The following ABL2 variants were observed in gnomAD, a reference collection of about 807,000 sequenced individuals.
ABL2 encodes tyrosine-protein kinase ABL2.
ABL2 carries 49 observed loss-of-function variants against 107.7 expected under a neutral mutation model. The ratio of observed to expected loss-of-function variants is 0.45; its 90% confidence interval spans 0.36 to 0.58. The LOEUF is 0.58. Ranked by LOEUF, ABL2 falls within the 20% of genes least tolerant of loss-of-function variation. The pLI, the probability that ABL2 is intolerant of heterozygous loss-of-function variation, is 0.00. For missense variants in ABL2, 1,245 were observed against 1,457.0 expected (o/e 0.85, Z 2.37); for synonymous variants, 549 against 548.6 (o/e 1.00, Z -0.01).
intron 10 of ABL2, among the ~76,000 whole-genome samples, chr1:179,111,386 A>G (rs1405871008): frequency 6.7e-6 from 1 of 149,654 alleles, no homozygotes; most frequent in Non-Finnish European, 1.5e-5. Context: ...CCCGGGTTCA[A>G]GTGATTCTCC....
At chr1:179,226,043 CAAAAAAAA>C (rs1194438803) in intron 1 of ABL2, among the ~76,000 whole-genome samples, 3,032 of 45,648 alleles carry the variant, frequency 0.066, 44 homozygotes, top group Middle Eastern at 0.15. Context: ...GACTCCGCCT[CAAAAAAAA>C]AAAAAAAAAA....
chr1:179,111,470 G>A lies in ABL2; in HGVS notation c.1651+839C>T, dbSNP rs536844256. Among the ~76,000 whole-genome samples the A allele has an allele frequency of 2.0e-5, 3 of 151,500 alleles. No homozygotes were observed. The South Asian group carries it at 6.3e-4, about 32-fold the overall frequency. ...CTGGCTAGTTTTTGTATTTTTAGTA[G>A]AGACGGGGTTTCACCATGTTGGCCA... On this transcript the variant is annotated intron_variant, in intron 10 of 11. Coordinates refer to ENST00000502732, the MANE Select transcript of ABL2 (RefSeq NM_007314.4).
chr1:179,132,389 A>C (rs1163906518), intron 2 of ABL2, among the ~76,000 whole-genome samples: 1 of 152,216 alleles, frequency 6.6e-6, no homozygotes, highest in Non-Finnish European at 1.5e-5. Flanking sequence ...GATCGATTAT[A>C]CAAAAAACAG....
chr1:179,228,050 CAAAAAAAAAAAAAA>C (rs34070201), intron 1 of ABL2, among the ~76,000 whole-genome samples: 1 of 63,376 alleles, frequency 1.6e-5, no homozygotes, highest in East Asian at 4.3e-4. Flanking sequence ...ACTCCGTCTC[CAAAAAAAAAAAAAA>C]AAAAAAAAGA....
intron 1 of ABL2, among the ~76,000 whole-genome samples, chr1:179,190,796 T>C (rs1660966754): frequency 6.6e-6 from 1 of 152,148 alleles, no homozygotes; most frequent in Non-Finnish European, 1.5e-5. Context: ...GAGGTTTTTT[T>C]TGGCCGGGGA....
At chr1:179,133,251 T>C (rs958865521) in intron 2 of ABL2, 61 bp downstream of exon 2, 7 of 1,606,552 alleles carry the variant, frequency 4.4e-6, no homozygotes, top group African/African-American at 1.3e-5. Context: ...ATCCATTCCC[T>C]GTTCTCCATC....
intron 1 of ABL2, among the ~76,000 whole-genome samples, chr1:179,187,780 C>T (rs1311557003): frequency 6.6e-6 from 1 of 152,122 alleles, no homozygotes; most frequent in Non-Finnish European, 1.5e-5. Flanking sequence ...GTATCTAGTA[C>T]AGTGTTGTAT....
rs533389720 is a variant in ABL2, at chr1:179,102,337, A to G, written c.*5381T>C. ...GAATTTCTTTAAGTCTAGTAGTTGG[A>G]AAACCAGAACTCTATCCAAATGATA... On this transcript the variant is annotated 3_prime_UTR_variant, in exon 12 of 12. Coordinates refer to ENST00000502732, the MANE Select transcript of ABL2 (RefSeq NM_007314.4). The G allele has an allele frequency of 6.6e-5, 13 of 197,912 alleles. No homozygotes were observed. The South Asian group carries it at 2.5e-3, about 38-fold the overall frequency. 12.3% of individuals were successfully genotyped at this position (197,912 alleles called of 1,614,324 possible).
chr1:179,130,266 T>A (rs554011128), intron 3 of ABL2, among the ~76,000 whole-genome samples: 20 of 152,336 alleles, frequency 1.3e-4, no homozygotes, highest in Admixed American at 1.1e-3. Flanking sequence ...GAACTGTGGC[T>A]AAGATGAGCC....
At chr1:179,220,486 GT>G (rs1662812588) in intron 1 of ABL2, among the ~76,000 whole-genome samples, 1 of 152,196 alleles carries the variant, frequency 6.6e-6, no homozygotes, top group African/African-American at 2.4e-5. Flanking sequence ...ACAGTGCCTT[GT>G]TTAGGCGATG....
In ABL2 at chr1:179,126,066, C is replaced by G. The variant is rs1415205633; in HGVS notation, c.687+311G>C. Among the ~76,000 whole-genome samples the G allele has an allele frequency of 2.0e-5, 3 of 152,204 alleles. No individual in the cohort carries two copies. The highest frequency in any genetic ancestry group is 7.2e-5 in the African/African-American group (3 of 41,454). On this transcript the variant is annotated intron_variant, in intron 4 of 11. Transcript: ENST00000502732. The surrounding 1 kb of genome is among the most constrained non-coding windows in gnomAD (Gnocchi z 4.4). The stretch of plus-strand genomic sequence containing the variant: ...ACAATGTTAACTGATAAACTCTATA[C>G]CAGTGCACTGGGTGTATATTTGTGT...
chr1:179,202,069 GAAA>G (rs1024128997), intron 1 of ABL2: 2 of 225,822 alleles, frequency 8.9e-6, no homozygotes, highest in Non-Finnish European at 1.5e-5. Context: ...TGAGGCAAAA[GAAA>G]AAAAAAGATT....
chr1:179,108,056 T>C lies in ABL2; in HGVS notation c.3211A>G (p.Lys1071Glu), dbSNP rs1653620332. The C allele has an allele frequency of 6.2e-7, 1 of 1,614,252 alleles. No individual in the cohort carries two copies. Among genetic ancestry groups the C allele is most frequent in the East Asian group, 2.2e-5 (1 of 44,884 alleles). ...GTAGTKVALR[K>E]TKQAAEKISA... ...ATTTTCTCAGCGGCCTGTTTGGTTTTTCTCAGAGCCACTTTAGTACCTGCT... is the reference window on the plus strand; with the variant it reads ...ATTTTCTCAGCGGCCTGTTTGGTTTCTCTCAGAGCCACTTTAGTACCTGCT... The change falls in exon 12 of 12, where the codon AAA (lysine) becomes GAA (glutamate). Residue 1071 changes from lysine to glutamate, a missense_variant. Physicochemically the swap from Lys to Glu is moderately conservative, Grantham distance 56. Around this residue, in one of 3 missense-constraint regions of ABL2, gnomAD observed 761 missense variants for 766.4 expected, o/e 0.99. Transcript: ENST00000502732.
intron 9 of ABL2, among the ~76,000 whole-genome samples, chr1:179,114,026 G>T (rs539594518): frequency 1.3e-5 from 2 of 151,938 alleles, no homozygotes; most frequent in East Asian, 3.9e-4. Flanking sequence ...AGGCTAAGGC[G>T]GGCGCATCAC....
rs1385413072 is a variant in ABL2, at chr1:179,112,355, T to G, written c.1605A>C (p.Thr535=). ...GGAACATGGTTTCAAAAGCTTGGTG[T>G]GTTTCAGCAAAAGAGGGCCTATCGG... ...SPADRPSFAE[T]HQAFETMFHD... is the part of the protein sequence containing the mutation. Residue 535 remains threonine (T), a synonymous_variant, in exon 10 of 12, where the codon ACA becomes ACC. Coordinates refer to ENST00000502732, the MANE Select transcript of ABL2 (RefSeq NM_007314.4). 2 of 1,613,976 alleles carry G rather than the reference T, an allele frequency of 1.2e-6. No homozygotes were observed. The highest frequency in any genetic ancestry group is 2.2e-5 in the South Asian group (2 of 91,074).
chr1:179,215,057 G>A (rs1026401170), intron 1 of ABL2, among the ~76,000 whole-genome samples: 7 of 152,028 alleles, frequency 4.6e-5, no homozygotes, highest in African/African-American at 1.4e-4. Context: ...CTACTAGGGA[G>A]GCTGAGGCAG....
At chr1:179,174,919 A>T (rs1321583690) in intron 1 of ABL2, among the ~76,000 whole-genome samples, 27 of 134,972 alleles carry the variant, frequency 2.0e-4, no homozygotes, top group Non-Finnish European at 3.2e-4. Context: ...TAAAATAAAA[A>T]AAATAATAAT....
At chr1:179,195,802 G>A (rs1479610483) in intron 1 of ABL2, among the ~76,000 whole-genome samples, 2 of 152,212 alleles carry the variant, frequency 1.3e-5, no homozygotes, top group Non-Finnish European at 2.9e-5. Context: ...AATACTATAT[G>A]ATTCCATTTA....
intron 1 of ABL2, among the ~76,000 whole-genome samples, chr1:179,169,612 CAAATACAGG>C (rs1449826797): frequency 6.6e-6 from 1 of 151,162 alleles, no homozygotes; most frequent in Non-Finnish European, 1.5e-5. Flanking sequence ...TGGGGAAAGT[CAAATACAGG>C]AAATAACCTG....
Sources: gnomAD v4.1 joint callset for allele counts (sites outside exome capture counted in the v4.1 genomes callset) on GRCh38, gnomAD v4.1.1 for gene constraint, gnomAD v4.1.1 regional missense constraint, Gnocchi (gnomAD v3.1) non-coding constraint, MANE v1.5 for transcripts, NCBI Gene and HGNC (gene_info 2026-07-23, HGNC 2026-07-21) for gene names.